The following ARHGAP26 variants were observed in gnomAD, a reference collection of about 807,000 sequenced individuals.
ARHGAP26 encodes the protein rho GTPase-activating protein 26.
A neutral mutation model predicts 104.8 loss-of-function variants in ARHGAP26; 38 were observed. That is an observed-to-expected ratio of 0.36 (90% confidence interval 0.28 to 0.48). The LOEUF is 0.48. Ranked by LOEUF, ARHGAP26 falls within the 20% of genes least tolerant of loss-of-function variation. The pLI, the probability that ARHGAP26 is intolerant of heterozygous loss-of-function variation, is 0.99. For synonymous variants in ARHGAP26, 341 were observed against 340.0 expected (o/e 1.00, Z -0.03); for missense variants, 704 against 947.9 (o/e 0.74, Z 3.38).
chr5:142,877,887 CAG>C (rs1490133193), intron 3 of ARHGAP26, among the ~76,000 whole-genome samples: 8 of 152,324 alleles, frequency 5.3e-5, no homozygotes, highest in Non-Finnish European at 7.3e-5. Flanking sequence ...TTGTAAGCTT[CAG>C]AGACTTGCAG....
At position 143,120,859 on chromosome 5, in the gene ARHGAP26, C is replaced by T. The variant is rs1796046229; in HGVS notation, c.1539-129C>T. 1.5e-5 allele frequency: 13 copies of T among 841,982 alleles called. No individual in the cohort carries two copies. In the South Asian group the frequency reaches 1.6e-4, roughly 10 times the overall value. The allele number at this position is 841,982 out of a possible 1,614,324, so 52.2% of individuals were successfully genotyped here. On this transcript the variant is annotated intron_variant, in intron 17 of 22. Coordinates refer to ENST00000645722, the MANE Select transcript of ARHGAP26 (RefSeq NM_001135608.3). Reference sequence around the variant, plus strand: ...ATTTTCTGACTCCTGTGGCATCTGACGATGACCCAAGTTCTGGCTCCTACA... The same window carrying T: ...ATTTTCTGACTCCTGTGGCATCTGATGATGACCCAAGTTCTGGCTCCTACA...
At chr5:142,806,721 C>T (rs183987066) in intron 1 of ARHGAP26, among the ~76,000 whole-genome samples, 4 of 152,194 alleles carry the variant, frequency 2.6e-5, no homozygotes, top group Non-Finnish European at 4.4e-5. Flanking sequence ...TGTACCCCCC[C>T]ACTACTTAGA....
intron 17 of ARHGAP26, among the ~76,000 whole-genome samples, chr5:143,095,922 C>T (rs1393055254): frequency 1.3e-5 from 2 of 152,222 alleles, no homozygotes; most frequent in African/African-American, 4.8e-5. Flanking sequence ...TCAGTCCTAG[C>T]ATATGCATAT....
At chr5:143,216,227 A>G in intron 22 of ARHGAP26, 1 of 471,352 alleles carries the variant, frequency 2.1e-6, no homozygotes, top group Non-Finnish European at 4.4e-6. Context: ...TCACTGCCAC[A>G]CCGAAGCTCC....
chr5:143,033,310 T>C (rs1782158089), intron 12 of ARHGAP26, among the ~76,000 whole-genome samples: 1 of 152,220 alleles, frequency 6.6e-6, no homozygotes, highest in Admixed American at 6.5e-5. Context: ...GGAGGAACAT[T>C]TACTCAGATT....
At chr5:142,810,347 A>G (rs1462462319) in intron 1 of ARHGAP26, among the ~76,000 whole-genome samples, 2 of 152,190 alleles carry the variant, frequency 1.3e-5, no homozygotes, top group African/African-American at 2.4e-5. Flanking sequence ...TGTGGAATTT[A>G]GGGTAGTATC....
intron 11 of ARHGAP26, among the ~76,000 whole-genome samples, chr5:143,002,280 C>T (rs965710774): frequency 4.0e-5 from 6 of 151,842 alleles, no homozygotes; most frequent in Non-Finnish European, 4.4e-5. Context: ...TGCTGCATAC[C>T]ATCCCGAGGA....
intron 20 of ARHGAP26, among the ~76,000 whole-genome samples, chr5:143,184,936 A>G (rs1804917584): frequency 2.6e-5 from 4 of 152,208 alleles, no homozygotes. Flanking sequence ...ATTTTGACTC[A>G]GCCACTGCAC....
At chr5:143,009,393 T>A (rs192223461) in intron 11 of ARHGAP26, among the ~76,000 whole-genome samples, 3 of 152,326 alleles carry the variant, frequency 2.0e-5, no homozygotes, top group Admixed American at 2.0e-4. Flanking sequence ...AGACAGACCG[T>A]GGGAGTTCCT....
intron 1 of ARHGAP26, among the ~76,000 whole-genome samples, chr5:142,848,291 C>T (rs1392092834): frequency 6.6e-6 from 1 of 152,160 alleles, no homozygotes; most frequent in Non-Finnish European, 1.5e-5. Flanking sequence ...GCTGTTTGGT[C>T]AACATTGCTT....
intron 10 of ARHGAP26, among the ~76,000 whole-genome samples, chr5:142,923,756 A>G (rs1763509332): frequency 6.6e-6 from 1 of 151,314 alleles, no homozygotes; most frequent in Non-Finnish European, 1.5e-5. Context: ...TTAGACTATT[A>G]TTATTGCTAT....
chr5:142,908,342 G>A (rs546965049), intron 9 of ARHGAP26, among the ~76,000 whole-genome samples: 16 of 152,368 alleles, frequency 1.1e-4, no homozygotes, highest in African/African-American at 3.6e-4. Flanking sequence ...GTACTAAGCA[G>A]ACAGTAGCTA....
At chr5:142,839,404 A>T (rs777707515) in intron 1 of ARHGAP26, among the ~76,000 whole-genome samples, 2 of 152,148 alleles carry the variant, frequency 1.3e-5, no homozygotes, top group Non-Finnish European at 2.9e-5. Flanking sequence ...TAGGAAGCTA[A>T]TGTACAGAGC....
At chr5:143,117,893 A>G (rs1795683129) in intron 17 of ARHGAP26, among the ~76,000 whole-genome samples, 1 of 152,356 alleles carries the variant, frequency 6.6e-6, no homozygotes, top group Non-Finnish European at 1.5e-5. Context: ...AACTCTCCTC[A>G]TCTTTTATTG....
rs1195936963 is a variant in ARHGAP26 at position 143,228,798 on chromosome 5, G to T, written c.*6352G>T. On this transcript the variant is annotated 3_prime_UTR_variant, in exon 23 of 23. Coordinates refer to ENST00000645722, the MANE Select transcript of ARHGAP26 (RefSeq NM_001135608.3). Reference sequence around the variant, plus strand: ...TAGAAAGTAATCTGTGACTAGAATAGACCTTTGTCCCTGTTAGTAGCCCTG... The same window carrying T: ...TAGAAAGTAATCTGTGACTAGAATATACCTTTGTCCCTGTTAGTAGCCCTG... The T allele has an allele frequency of 5.1e-6, 1 of 194,946 alleles. No homozygotes were observed. The highest frequency in any genetic ancestry group is 1.1e-5 in the Non-Finnish European group (1 of 93,466). 12.1% of individuals were successfully genotyped at this position (194,946 alleles called of 1,614,324 possible).
intron 11 of ARHGAP26, among the ~76,000 whole-genome samples, chr5:142,970,919 G>A (rs764141822): frequency 2.0e-5 from 3 of 152,158 alleles, no homozygotes; most frequent in Non-Finnish European, 4.4e-5. Flanking sequence ...GACTAAAATA[G>A]CCATCTTTCA....
chr5:142,879,580 A>C (rs990505669), intron 4 of ARHGAP26, 135 bp downstream of exon 4: 2 of 798,050 alleles, frequency 2.5e-6, no homozygotes, highest in Non-Finnish European at 3.9e-6. Flanking sequence ...TCTTAGGCAG[A>C]AAACTCTATA....
intron 17 of ARHGAP26, among the ~76,000 whole-genome samples, chr5:143,059,601 A>T (rs1786395799): frequency 6.6e-6 from 1 of 152,120 alleles, no homozygotes; most frequent in Non-Finnish European, 1.5e-5. Context: ...CATCCTTGTT[A>T]CTAACCTAAG....
chr5:142,901,954 G>C lies in ARHGAP26; in HGVS notation c.617G>C (p.Gly206Ala). Residue 206 changes from glycine to alanine, a missense_variant, in exon 7 of 23, where the codon GGA becomes GCA. Transcript: ENST00000645722. ...TTACAGCTGCTGGCCTTCCTGCAAG[G>C]ACTCTTCACTTTCTATCACCATGGT... ...FVEPLLAFLQ[G>A]LFTFYHHGYE... 1 of 1,613,900 alleles carries C rather than the reference G, an allele frequency of 6.2e-7. No individual in the cohort carries two copies. Among genetic ancestry groups the C allele is most frequent in the African/African-American group, 1.3e-5 (1 of 75,002 alleles).
Sources: allele counts gnomAD v4.1 joint callset (sites outside exome capture counted in the v4.1 genomes callset), GRCh38; gene constraint gnomAD v4.1.1; transcripts MANE v1.5; gene names NCBI Gene and HGNC (gene_info 2026-07-23, HGNC 2026-07-21).